Variants in LPP observed in about 807,000 individuals in gnomAD.
The protein encoded by LPP is LIM domain containing preferred translocation partner in lipoma.
Under a neutral mutation model 60.4 loss-of-function variants are expected in LPP, and 38 were observed. The ratio of observed to expected loss-of-function variants is 0.63; its 90% CI spans 0.49 to 0.83. The LOEUF (loss-of-function observed/expected upper bound fraction) is 0.83. LPP is among the 40% of genes least tolerant of loss of function. The pLI, the probability that LPP is intolerant of heterozygous loss-of-function variation, is 0.00. For synonymous variants in LPP, 328 were observed against 290.8 expected (o/e 1.13, Z -1.30); for missense variants, 902 against 783.6 (o/e 1.15, Z -1.80).
At chr3:188,637,339 G>C (rs187789375) in intron 7 of LPP, among the ~76,000 whole-genome samples, 86 of 151,044 alleles carry the variant, frequency 5.7e-4, no homozygotes, top group Admixed American at 9.2e-4. Flanking sequence ...CAACATACCA[G>C]AGTCTCTGGG....
chr3:188,495,082 A>ATATATATATATATATATT lies in LPP; in HGVS notation c.306+10379_306+10380insATATATATATATATATTT, dbSNP rs1342207321. Reference sequence around the variant, plus strand: ...CAGGATTTTATATATATATATATATATTTTATTTATATTTTATTATATATT... The same window carrying ATATATATATATATATATT: ...CAGGATTTTATATATATATATATATATATATATATATATATATTTTTTATTTATATTTTATTATATATT... On this transcript the variant is annotated intron_variant, in intron 5 of 11. Transcript: ENST00000617246. Among the ~76,000 whole-genome samples the ATATATATATATATATATT allele has an allele frequency of 1.7e-4, 17 of 97,264 alleles. 1 individual carries two copies. Among genetic ancestry groups the ATATATATATATATATATT allele is most frequent in the Non-Finnish European group, 2.8e-4 (14 of 50,260 alleles). The allele number at this position is 97,264 out of a possible 152,430, so 63.8% of individuals were successfully genotyped here. A position where few individuals can be genotyped will look rare whatever the true frequency, so the allele number is the denominator to read the frequency against.
chr3:188,494,837 A>G (rs1230429119), intron 5 of LPP, among the ~76,000 whole-genome samples: 1 of 151,708 alleles, frequency 6.6e-6, no homozygotes, highest in African/African-American at 2.4e-5. Context: ...CCTCTGTAAA[A>G]TGGGTGATTG....
intron 6 of LPP, among the ~76,000 whole-genome samples, chr3:188,538,306 AGGGGCT>A (rs1426003717): frequency 7.2e-5 from 11 of 152,326 alleles, no homozygotes; most frequent in Admixed American, 7.2e-4. Context: ...GTATCTGTTA[AGGGGCT>A]TATATCTGGA....
chr3:188,631,887 C>A (rs942658886), intron 7 of LPP, among the ~76,000 whole-genome samples: 3 of 152,066 alleles, frequency 2.0e-5, no homozygotes, highest in African/African-American at 7.2e-5. Flanking sequence ...CCTGACTCAA[C>A]CTTTCTTAAC....
intron 2 of LPP, among the ~76,000 whole-genome samples, chr3:188,300,392 T>C (rs1577951607): frequency 6.6e-6 from 1 of 152,130 alleles, no homozygotes; most frequent in Non-Finnish European, 1.5e-5. Context: ...GTTTCCATAA[T>C]TAAGGGTTAG....
chr3:188,498,075 A>G (rs1156836489), intron 5 of LPP, among the ~76,000 whole-genome samples: 2 of 152,180 alleles, frequency 1.3e-5, no homozygotes, highest in Non-Finnish European at 2.9e-5. Context: ...TGATTCTGCA[A>G]CAATTGTTCT....
chr3:188,360,036 C>T (rs1038984626), intron 3 of LPP, among the ~76,000 whole-genome samples: 3 of 152,120 alleles, frequency 2.0e-5, no homozygotes, highest in Non-Finnish European at 4.4e-5. Flanking sequence ...TTTTTCAACC[C>T]ATTATTTTAG....
In LPP at chr3:188,425,449, A is replaced by G. The variant is rs55963507; in HGVS notation, c.193+19136A>G. 9.2e-3 allele frequency among the ~76,000 whole-genome samples: 1,399 copies of G among 152,230 alleles called. 18 individuals are homozygous for G. Among genetic ancestry groups the G allele is most frequent in the African/African-American group, 0.032 (1,328 of 41,536 alleles). ...TCTGCCAGGTTTTGGTAGCAGGATGATGCTGGCCTCATAAAATGAGTTAGG... is the reference window on the plus strand; with the variant it reads ...TCTGCCAGGTTTTGGTAGCAGGATGGTGCTGGCCTCATAAAATGAGTTAGG... On this transcript the variant is annotated intron_variant, in intron 4 of 11. Transcript: ENST00000617246.
At chr3:188,836,385 G>A (rs1417670826) in intron 9 of LPP, among the ~76,000 whole-genome samples, 7 of 152,174 alleles carry the variant, frequency 4.6e-5, no homozygotes, top group South Asian at 4.1e-4. Context: ...TGTATTTGCC[G>A]TAGCCTTATA....
chr3:188,173,501 CAAAAAAAACAA>C (rs1285140384), intron 1 of LPP, among the ~76,000 whole-genome samples: 2 of 116,944 alleles, frequency 1.7e-5, no homozygotes, highest in African/African-American at 2.9e-5. Context: ...GACTCCGTCT[CAAAAAAAACAA>C]AAACAAAAAA....
chr3:188,204,733 A>G (rs996677050), intron 1 of LPP, among the ~76,000 whole-genome samples: 4 of 152,088 alleles, frequency 2.6e-5, no homozygotes, highest in African/African-American at 9.7e-5. Context: ...AGGAGTGAGG[A>G]TGCCAAGTTT....
intron 9 of LPP, among the ~76,000 whole-genome samples, chr3:188,783,323 G>A (rs1426404073): frequency 6.6e-6 from 1 of 152,120 alleles, no homozygotes; most frequent in Non-Finnish European, 1.5e-5. Flanking sequence ...ATCAGCGACA[G>A]ACTGGATAAA....
intron 1 of LPP, among the ~76,000 whole-genome samples, chr3:188,199,948 C>G (rs957102247): frequency 6.6e-6 from 1 of 151,988 alleles, no homozygotes; most frequent in African/African-American, 2.4e-5. Flanking sequence ...CTCCTGACCT[C>G]AGGTGATCCT....
chr3:188,258,401 T>TA, intron 2 of LPP, among the ~76,000 whole-genome samples: 1 of 152,212 alleles, frequency 6.6e-6, no homozygotes, highest in East Asian at 1.9e-4. Flanking sequence ...TGGTTCACTG[T>TA]AGCTGCAACC....
rs1300715074 is a variant in LPP at position 188,744,800 on chromosome 3, C to A, written c.1241-15313C>A. The stretch of plus-strand genomic sequence containing the variant: ...CCCATTTTTTACTTGAAACTGGTAT[C>A]TTCCTGCCTATAAAACACATTTTGT... On this transcript the variant is annotated intron_variant, in intron 8 of 11. Transcript: ENST00000617246. Among the ~76,000 whole-genome samples the A allele has an allele frequency of 2.6e-5, 4 of 152,058 alleles. No homozygotes were observed. In the East Asian group the frequency reaches 7.7e-4, roughly 29 times the overall value.
chr3:188,437,080 C>T (rs1363008355), intron 4 of LPP, among the ~76,000 whole-genome samples: 1 of 152,112 alleles, frequency 6.6e-6, no homozygotes, highest in Non-Finnish European at 1.5e-5. Context: ...AATTAAGAAC[C>T]ATACCTTATT....
intron 7 of LPP, among the ~76,000 whole-genome samples, chr3:188,672,055 G>A (rs531187422): frequency 5.3e-5 from 8 of 152,258 alleles, no homozygotes; most frequent in South Asian, 4.1e-4. Flanking sequence ...ATTAATTTTC[G>A]TGTTTGCATT....
chr3:188,405,522 C>T (rs1055942326), intron 3 of LPP, among the ~76,000 whole-genome samples: 1 of 152,118 alleles, frequency 6.6e-6, no homozygotes, highest in African/African-American at 2.4e-5. Context: ...TTCAACCCTA[C>T]TTAGCACTCA....
At chr3:188,354,809 ACGCGCGTGCGCG>A (rs1292719991) in intron 3 of LPP, among the ~76,000 whole-genome samples, 6 of 116,738 alleles carry the variant, frequency 5.1e-5, no homozygotes, top group African/African-American at 1.6e-4. Context: ...GAACACACAC[ACGCGCGTGCGCG>A]CACACACACA....
Sources: gnomAD v4.1 joint callset for allele counts (sites outside exome capture counted in the v4.1 genomes callset) on GRCh38, gnomAD v4.1.1 for gene constraint, MANE v1.5 for transcripts, NCBI Gene and HGNC (gene_info 2026-07-23, HGNC 2026-07-21) for gene names.